The following SPATA13 variants were observed in gnomAD, a reference collection of about 807,000 sequenced individuals.
SPATA13 encodes the protein spermatogenesis-associated protein 13.
Under a neutral mutation model 104.0 loss-of-function variants are expected in SPATA13, and 50 were observed. The ratio of observed to expected loss-of-function variants is 0.48; its 90% CI spans 0.38 to 0.61. The LOEUF (loss-of-function observed/expected upper bound fraction) is 0.61, where lower values mean the gene tolerates loss of function less well. Among genes scored for constraint, SPATA13 ranks in the 20% least tolerant of loss-of-function variants. The pLI is 0.00. For missense variants in SPATA13, 1,524 were observed against 1,690.6 expected, an observed-to-expected ratio of 0.90 and a Z score of 1.73; for synonymous variants, 606 against 667.5, an observed-to-expected ratio of 0.91 and a Z score of 1.42.
rs577373791 is a variant in SPATA13, at chr13:24,137,596, C to T, written c.-111-85223C>T. On this transcript the variant is annotated intron_variant, in intron 3 of 14. Coordinates refer to the SPATA13 transcript ENST00000424834. ...CCAACATGGTGAAACCCCACCACTA[C>T]AAAAAATACAAAAATTAGGCAAGCG... Among the ~76,000 whole-genome samples, 19 of 152,124 alleles carry T rather than the reference C, an allele frequency of 1.2e-4. No individual in the cohort carries two copies. In the South Asian group the frequency reaches 4.0e-3, roughly 32 times the overall value.
At chr13:24,278,963 TCCCTCCTTCCCTCCCTC>T in intron 4 of SPATA13, 1 of 500,666 alleles carries the variant, frequency 2.0e-6, no homozygotes, top group Non-Finnish European at 3.2e-6. Flanking sequence ...CTTCCTTCCT[TCCCTCCTTCCCTCCCTC>T]CCTCCCTCCC....
intron 4 of SPATA13, among the ~76,000 whole-genome samples, chr13:24,264,197 G>T (rs1343222363): frequency 6.6e-6 from 1 of 152,100 alleles, no homozygotes; most frequent in East Asian, 1.9e-4. Flanking sequence ...AACATTCTCA[G>T]TTCTCAACAG....
chr13:24,154,161 A>C (rs1394270576), intron 3 of SPATA13, among the ~76,000 whole-genome samples: 1 of 152,214 alleles, frequency 6.6e-6, no homozygotes, highest in East Asian at 1.9e-4. Context: ...CAGAAGGTAA[A>C]CATATGCACA....
intron 2 of SPATA13, among the ~76,000 whole-genome samples, chr13:24,014,929 C>T (rs1307043448): frequency 4.7e-5 from 6 of 128,196 alleles, no homozygotes; most frequent in Admixed American, 2.0e-4. Flanking sequence ...CTCGCTGTGT[C>T]GCCCAGGCTG....
intron 4 of SPATA13, chr13:24,254,364 T>G (rs1299466466): frequency 6.6e-6 from 1 of 152,238 alleles, no homozygotes; most frequent in Non-Finnish European, 1.5e-5. Context: ...CATCTTCTGC[T>G]GTGGGCCAGC....
chr13:24,049,202 G>T (rs936587775), intron 3 of SPATA13, among the ~76,000 whole-genome samples: 1 of 152,194 alleles, frequency 6.6e-6, no homozygotes, highest in African/African-American at 2.4e-5. Context: ...CAGCAATACC[G>T]TTGTGCCCAG....
intron 3 of SPATA13, among the ~76,000 whole-genome samples, chr13:24,061,889 A>T (rs1878785836): frequency 7.7e-6 from 1 of 130,002 alleles, no homozygotes; most frequent in African/African-American, 2.9e-5. Flanking sequence ...ATTAAAAATT[A>T]AAAAAAAAAA....
At chr13:24,013,667 C>T (rs1304175467) in intron 2 of SPATA13, among the ~76,000 whole-genome samples, 1 of 152,036 alleles carries the variant, frequency 6.6e-6, no homozygotes, top group Non-Finnish European at 1.5e-5. Flanking sequence ...TCCTTACCAC[C>T]CACTTGCTCC....
intron 1 of SPATA13, among the ~76,000 whole-genome samples, chr13:24,185,096 G>A (rs1202096556): frequency 2.6e-5 from 4 of 152,250 alleles, no homozygotes; most frequent in African/African-American, 9.6e-5. Context: ...TTGCCAGTTC[G>A]GGCATTTCCC....
At position 24,051,348 on chromosome 13, in the gene SPATA13, G is replaced by A. The variant is rs967600065; in HGVS notation, c.-112+33647G>A. Reference sequence around the variant, plus strand: ...TTCAGGTGAATGACCCTTGTCTGGGGTTGAAGATGAATCTTCCCCAGGTCC... The same window carrying A: ...TTCAGGTGAATGACCCTTGTCTGGGATTGAAGATGAATCTTCCCCAGGTCC... On this transcript the variant is annotated intron_variant, in intron 3 of 14. Coordinates refer to the SPATA13 transcript ENST00000424834. The surrounding 1 kb of genome is among the most constrained non-coding windows in gnomAD (Gnocchi z 4.2). Among the ~76,000 whole-genome samples, 1 of 152,208 alleles carries A rather than the reference G, an allele frequency of 6.6e-6. No homozygotes were observed. Among genetic ancestry groups the A allele is most frequent in the Non-Finnish European group, 1.5e-5 (1 of 68,034 alleles).
chr13:24,247,132 A>G (rs1482623519), intron 2 of SPATA13, among the ~76,000 whole-genome samples: 1 of 152,144 alleles, frequency 6.6e-6, no homozygotes, highest in Non-Finnish European at 1.5e-5. Context: ...GTCACTCTCT[A>G]AAGCCTTCAG....
At position 24,181,436 on chromosome 13, in the gene SPATA13, T is replaced by A. The variant is rs536247647; in HGVS notation, c.-112+20504T>A. 2.0e-5 allele frequency among the ~76,000 whole-genome samples: 3 copies of A among 152,338 alleles called. No individual in the cohort carries two copies. In the East Asian group the frequency reaches 5.8e-4, roughly 29 times the overall value. ...AATATATTATACAGCTGTACAAATA[T>A]AATTTCTTTATAGCCTTATTCTTCT... On this transcript the variant is annotated intron_variant, in intron 1 of 12. Coordinates refer to ENST00000382108, the MANE Select transcript of SPATA13 (RefSeq NM_001166271.3).
chr13:24,065,172 A>C (rs1198950917), intron 3 of SPATA13, among the ~76,000 whole-genome samples: 6 of 152,196 alleles, frequency 3.9e-5, no homozygotes, highest in Non-Finnish European at 8.8e-5. Context: ...TGCACATGGA[A>C]CATAAAATAT....
chr13:24,067,439 A>G (rs756378676), intron 3 of SPATA13, among the ~76,000 whole-genome samples: 10 of 152,184 alleles, frequency 6.6e-5, no homozygotes, highest in Non-Finnish European at 1.0e-4. Flanking sequence ...AAAAAGCAAG[A>G]CATAAAGAAC....
At chr13:24,290,931 A>G (rs747807976) in intron 9 of SPATA13, 47 bp downstream of exon 9, 1 of 1,468,668 alleles carries the variant, frequency 6.8e-7, no homozygotes, top group Non-Finnish European at 9.4e-7. Flanking sequence ...TGCTGCCATT[A>G]CCCGTAGGCA....
chr13:24,139,378 A>G (rs1257299996), intron 3 of SPATA13, among the ~76,000 whole-genome samples: 1 of 152,246 alleles, frequency 6.6e-6, no homozygotes, highest in Non-Finnish European at 1.5e-5. Flanking sequence ...GGCACTGTTC[A>G]GCCCACAACA....
intron 10 of SPATA13, among the ~76,000 whole-genome samples, chr13:24,295,574 T>C (rs1876712454): frequency 6.6e-6 from 1 of 151,908 alleles, no homozygotes; most frequent in Non-Finnish European, 1.5e-5. Context: ...ATCGTGCCCC[T>C]GCACTCTAGT....
At chr13:24,084,313 T>G (rs1381895304) in intron 3 of SPATA13, among the ~76,000 whole-genome samples, 8 of 152,168 alleles carry the variant, frequency 5.3e-5, no homozygotes, top group Non-Finnish European at 1.2e-4. Flanking sequence ...CAGTTCTGCT[T>G]CTTTTGAGAA....
intron 2 of SPATA13, among the ~76,000 whole-genome samples, chr13:24,004,198 T>C (rs1876112781): frequency 6.6e-6 from 1 of 152,124 alleles, no homozygotes; most frequent in Non-Finnish European, 1.5e-5. Context: ...GTAAATTTCA[T>C]AAAGAAAGAT....
Sources: gnomAD v4.1 joint callset for allele counts (sites outside exome capture counted in the v4.1 genomes callset) on GRCh38, gnomAD v4.1.1 for gene constraint, Gnocchi (gnomAD v3.1) non-coding constraint, MANE v1.5 for transcripts, NCBI Gene and HGNC (gene_info 2026-07-23, HGNC 2026-07-21) for gene names.